The following SV2B variants were observed in gnomAD, a reference collection of about 807,000 sequenced individuals.
The protein encoded by SV2B is solute carrier family 22 member B2.
In SV2B, 41 loss-of-function variants were observed where a neutral mutation model predicts 73.9. The ratio of observed to expected loss-of-function variants is 0.56; its 90% confidence interval spans 0.43 to 0.72. The LOEUF (loss-of-function observed/expected upper bound fraction) is 0.72. SV2B is among the 30% of genes least tolerant of loss of function. The probability of loss-of-function intolerance (pLI) is 0.00; values close to 1 mark genes in which losing one functional copy is unlikely to be tolerated. For synonymous variants in SV2B, 314 were observed against 314.2 expected (o/e 1.00, Z 0.01); for missense variants, 764 against 857.8 (o/e 0.89, Z 1.37).
At position 91,295,075 on chromosome 15, in the gene SV2B, A is replaced by G. The variant is rs774190874; in HGVS notation, c.*2523A>G. On this transcript the variant is annotated 3_prime_UTR_variant, in exon 13 of 13. Coordinates refer to ENST00000394232, the MANE Select transcript of SV2B (RefSeq NM_001323032.3). The stretch of plus-strand genomic sequence containing the variant: ...TGGCCATCCACTTCTTTTTCACTTC[A>G]TGTTCTACCCCAAGAGACTCCCGAT... 1.3e-5 allele frequency: 2 copies of G among 152,542 alleles called. No individual in the cohort carries two copies. The highest frequency in any genetic ancestry group is 2.9e-5 in the Non-Finnish European group (2 of 68,050). The allele number at this position is 152,542 out of a possible 1,614,324, so 9.4% of individuals were successfully genotyped here. A position where few individuals can be genotyped will look rare whatever the true frequency, so the allele number is the denominator to read the frequency against.
In SV2B at chr15:91,265,021, GA is replaced by G. The variant is rs1449273290; in HGVS notation, c.1009-1555del. 1.3e-5 allele frequency among the ~76,000 whole-genome samples: 2 copies of G among 152,118 alleles called. No individual in the cohort carries two copies. The highest frequency in any genetic ancestry group is 4.8e-5 in the African/African-American group (2 of 41,418). ...GGCTGGATGGGCCAGAAAAAGAAAT[GA>G]AAAAAGAGAGACAACCAGAAAGTGG... On this transcript the variant is annotated intron_variant, in intron 6 of 12. Transcript: ENST00000394232. This position sits in a 1 kb window ranked among gnomAD's most constrained non-coding sequence, Gnocchi z 4.2.
chr15:91,292,723 C>T lies in SV2B; in HGVS notation c.*171C>T. The T allele has an allele frequency of 1.3e-6, 1 of 777,904 alleles. No homozygotes were observed. The highest frequency in any genetic ancestry group is 3.0e-5 in the East Asian group (1 of 33,848). The allele number at this position is 777,904 out of a possible 1,614,324, so 48.2% of individuals were successfully genotyped here. Reference sequence around the variant, plus strand: ...TTCAGCTGTCAATATGTTTGTAACTCAGGTGACTGATTTGGGGGTGCCCTG... The same window carrying T: ...TTCAGCTGTCAATATGTTTGTAACTTAGGTGACTGATTTGGGGGTGCCCTG... On this transcript the variant is annotated 3_prime_UTR_variant, in exon 13 of 13. Transcript: ENST00000394232.
rs1450337924 is a variant in SV2B, at chr15:91,284,915, A to G, written c.1708+694A>G. Among the ~76,000 whole-genome samples the G allele has an allele frequency of 2.6e-5, 4 of 152,234 alleles. No homozygotes were observed. The highest frequency in any genetic ancestry group is 2.9e-5 in the Non-Finnish European group (2 of 68,038). ...ACAGAAACACATGCCATGAATGGTAAACAAGAAGCAAAATGTACAGATTGA... is the reference window on the plus strand; with the variant it reads ...ACAGAAACACATGCCATGAATGGTAGACAAGAAGCAAAATGTACAGATTGA... On this transcript the variant is annotated intron_variant, in intron 11 of 12. Coordinates refer to ENST00000394232, the MANE Select transcript of SV2B (RefSeq NM_001323032.3). This position sits in a 1 kb window ranked among gnomAD's most constrained non-coding sequence, Gnocchi z 4.5.
chr15:91,276,874 C>T (rs1010286245), intron 9 of SV2B, among the ~76,000 whole-genome samples: 2 of 149,278 alleles, frequency 1.3e-5, no homozygotes, highest in African/African-American at 5.0e-5. Flanking sequence ...CAGACTGGAG[C>T]GCAATGGCAT....
intron 1 of SV2B, among the ~76,000 whole-genome samples, chr15:91,183,327 G>A (rs1421696154): frequency 6.6e-6 from 1 of 152,180 alleles, no homozygotes; most frequent in African/African-American, 2.4e-5. Context: ...ACTTTCTATT[G>A]TATACTGTTG....
In SV2B at chr15:91,280,495, T is replaced by A. The variant is rs2239989; in HGVS notation, c.1374-1233T>A. On this transcript the variant is annotated intron_variant, in intron 9 of 12. Transcript: ENST00000394232. The surrounding 1 kb of genome is among the most constrained non-coding windows in gnomAD (Gnocchi z 5.8). Reference sequence around the variant, plus strand: ...AAGACTAAATATGTAAGTGAATGAATAGAAGAATGAAAGAAAGTGTTGTAA... The same window carrying A: ...AAGACTAAATATGTAAGTGAATGAAAAGAAGAATGAAAGAAAGTGTTGTAA... Among the ~76,000 whole-genome samples, 4,172 of 152,314 alleles carry A rather than the reference T, an allele frequency of 0.027. 113 individuals carry two copies. The highest frequency in any genetic ancestry group is 0.095 in the East Asian group (493 of 5,186).
intron 1 of SV2B, among the ~76,000 whole-genome samples, chr15:91,193,502 G>A (rs951237445): frequency 2.0e-5 from 3 of 152,202 alleles, no homozygotes; most frequent in Admixed American, 6.5e-5. Flanking sequence ...TTGGAGCAGA[G>A]CAGATGGTGA....
At chr15:91,183,908 C>T (rs1051356172) in intron 1 of SV2B, among the ~76,000 whole-genome samples, 3 of 152,028 alleles carry the variant, frequency 2.0e-5, no homozygotes, top group East Asian at 1.9e-4. Context: ...ATCTGCTCGT[C>T]GTTTCTACGT....
At chr15:91,114,265 G>C (rs1283917414) in intron 1 of SV2B, among the ~76,000 whole-genome samples, 1 of 151,494 alleles carries the variant, frequency 6.6e-6, no homozygotes, top group Non-Finnish European at 1.5e-5. Context: ...GAGGAACATG[G>C]AGAGGGTCTG....
intron 1 of SV2B, among the ~76,000 whole-genome samples, chr15:91,195,482 C>T (rs2045211750): frequency 6.6e-6 from 1 of 152,152 alleles, no homozygotes; most frequent in Non-Finnish European, 1.5e-5. Flanking sequence ...TGACCCATAG[C>T]TACGTAACTT....
intron 1 of SV2B, among the ~76,000 whole-genome samples, chr15:91,206,533 G>A (rs2045646996): frequency 6.6e-6 from 1 of 152,114 alleles, no homozygotes; most frequent in African/African-American, 2.4e-5. Flanking sequence ...GAATTTCTTT[G>A]GATTAGAATC....
At chr15:91,117,609 C>A (rs985041472) in intron 1 of SV2B, among the ~76,000 whole-genome samples, 28 of 152,196 alleles carry the variant, frequency 1.8e-4, no homozygotes, top group Admixed American at 1.7e-3. Context: ...TCTTCTCATG[C>A]CAAATGGCAG....
At chr15:91,114,723 G>T (rs1025374562) in intron 1 of SV2B, among the ~76,000 whole-genome samples, 4 of 152,168 alleles carry the variant, frequency 2.6e-5, no homozygotes, top group African/African-American at 9.7e-5. Context: ...TGTGCTCTGT[G>T]CTAGGCTCCA....
Position 91,226,252 on chromosome 15 carries a change from C to T in SV2B, c.-12C>T. 1 of 1,613,856 alleles carries T rather than the reference C, an allele frequency of 6.2e-7. No individual in the cohort carries two copies. The highest frequency in any genetic ancestry group is 8.5e-7 in the Non-Finnish European group (1 of 1,179,924). On this transcript the variant is annotated 5_prime_UTR_variant, in exon 2 of 13. Coordinates refer to ENST00000394232, the MANE Select transcript of SV2B (RefSeq NM_001323032.3). ...AGCTCAAGGGGCAACCAGGCAGTCG[C>T]AGAACCAAGGAATGGATGACTACAA...
At chr15:91,260,730 A>T (rs2047880416) in intron 6 of SV2B, among the ~76,000 whole-genome samples, 1 of 152,142 alleles carries the variant, frequency 6.6e-6, no homozygotes, top group Non-Finnish European at 1.5e-5. Context: ...AAAGAAGTTT[A>T]ATTGGACTTA....
At position 91,110,335 on chromosome 15, in the gene SV2B, C is replaced by T. The variant is rs1048261032; in HGVS notation, c.-392+9972C>T. ...GAGAGGCCAAGAGAGAACAGGAAAA[C>T]GGGGTGTGGGTCCCCTACACTGTCA... is the stretch of plus-strand genomic sequence containing the variant. On this transcript the variant is annotated intron_variant, in intron 1 of 12. Transcript: ENST00000394232. The surrounding 1 kb of genome is among the most constrained non-coding windows in gnomAD (Gnocchi z 5.4). Among the ~76,000 whole-genome samples the T allele has an allele frequency of 1.1e-4, 17 of 152,244 alleles. No individual in the cohort carries two copies. Among genetic ancestry groups the T allele is most frequent in the African/African-American group, 3.9e-4 (16 of 41,540 alleles).
At chr15:91,164,965 C>G (rs1464336260) in intron 1 of SV2B, among the ~76,000 whole-genome samples, 1 of 152,140 alleles carries the variant, frequency 6.6e-6, no homozygotes, top group Non-Finnish European at 1.5e-5. Context: ...GGGTGTTTAT[C>G]TGTTTGTGTT....
In SV2B at chr15:91,136,079, A is replaced by T. The variant is rs2042814952; in HGVS notation, c.-392+35716A>T. On this transcript the variant is annotated intron_variant, in intron 1 of 12. Coordinates refer to ENST00000394232, the MANE Select transcript of SV2B (RefSeq NM_001323032.3). This position sits in a 1 kb window ranked among gnomAD's most constrained non-coding sequence, Gnocchi z 5.6. The stretch of plus-strand genomic sequence containing the variant: ...AAAGTTAGATATGAAGATAATATAA[A>T]CCATAACATTCTGAAAACTTTGTGT... Among the ~76,000 whole-genome samples, 1 of 152,188 alleles carries T rather than the reference A, an allele frequency of 6.6e-6. No individual in the cohort carries two copies. Among genetic ancestry groups the T allele is most frequent in the African/African-American group, 2.4e-5 (1 of 41,446 alleles).
intron 1 of SV2B, among the ~76,000 whole-genome samples, chr15:91,179,312 C>T (rs1177173154): frequency 6.6e-6 from 1 of 151,896 alleles, no homozygotes; most frequent in Non-Finnish European, 1.5e-5. Flanking sequence ...TTTACTTCTA[C>T]CTATGTGGTC....
Sources: allele counts gnomAD v4.1 joint callset (sites outside exome capture counted in the v4.1 genomes callset), GRCh38; gene constraint gnomAD v4.1.1; non-coding constraint Gnocchi (gnomAD v3.1); transcripts MANE v1.5; gene names NCBI Gene and HGNC (gene_info 2026-07-23, HGNC 2026-07-21).